Variants in FAM222A observed in about 807,000 individuals in gnomAD.
FAM222A encodes protein FAM222A.
A neutral mutation model predicts 25.8 loss-of-function variants in FAM222A; 7 were observed. The ratio of observed to expected loss-of-function variants is 0.27; its 90% CI spans 0.15 to 0.51. FAM222A has a LOEUF of 0.51. FAM222A is among the 20% of genes least tolerant of loss of function. FAM222A has a pLI of 0.97. For missense variants in FAM222A, 573 were observed against 640.5 expected, an observed-to-expected ratio of 0.89 and a Z score of 1.14; for synonymous variants, 294 against 298.8, an observed-to-expected ratio of 0.98 and a Z score of 0.17.
intron 1 of FAM222A, among the ~76,000 whole-genome samples, chr12:109,733,607 G>A (rs1401913844): frequency 6.6e-6 from 1 of 152,136 alleles, no homozygotes; most frequent in Non-Finnish European, 1.5e-5. Flanking sequence ...GTTTCACCGT[G>A]TTAGCCAGGA....
intron 1 of FAM222A, among the ~76,000 whole-genome samples, chr12:109,726,801 A>G (rs1017739350): frequency 3.3e-5 from 5 of 152,120 alleles, no homozygotes; most frequent in African/African-American, 1.2e-4. Context: ...TGCTGAGAAC[A>G]TGCCTGGCCA....
chr12:109,768,818 C>T lies in FAM222A; in HGVS notation c.889C>T (p.Pro297Ser). 1 of 1,575,276 alleles carries T rather than the reference C, an allele frequency of 6.3e-7. No individual in the cohort carries two copies. Among genetic ancestry groups the T allele is most frequent in the Non-Finnish European group, 8.6e-7 (1 of 1,167,040 alleles). Reference sequence around the variant, plus strand: ...GCCGCAGAAACCGCCCCCACCGCCGCCCCAGCCACTGCGTGCCTACAGTGG... The same window carrying T: ...GCCGCAGAAACCGCCCCCACCGCCGTCCCAGCCACTGCGTGCCTACAGTGG... ...LWPQKPPPPP[P>S]QPLRAYSGST... Residue 297 changes from proline (P) to serine (S), a missense_variant, in exon 3 of 3, where the codon CCC (proline) becomes TCC (serine). Pro to Ser is a moderately conservative substitution (Grantham distance 74, BLOSUM62 -1). Around this residue, in one of 3 missense-constraint regions of FAM222A, gnomAD observed 412 missense variants for 407.0 expected, o/e 1.01. Coordinates refer to ENST00000538780, the MANE Select transcript of FAM222A (RefSeq NM_032829.3).
At chr12:109,755,563 G>A (rs186192897) in intron 2 of FAM222A, among the ~76,000 whole-genome samples, 71 of 152,040 alleles carry the variant, frequency 4.7e-4, no homozygotes, top group Middle Eastern at 3.4e-3. Flanking sequence ...CACGACCTCC[G>A]GTGATCAGCC....
Position 109,769,232 on chromosome 12 carries a change from G to C in FAM222A, c.1303G>C (p.Val435Leu), listed in dbSNP as rs776580547. The C allele has an allele frequency of 8.1e-6, 13 of 1,611,552 alleles. No individual in the cohort carries two copies. Among genetic ancestry groups the C allele is most frequent in the African/African-American group, 4.0e-5 (3 of 74,892 alleles). ...GGGCAAGGGCTATGAGACGGTGGCC[G>C]TGCCCCGGCTACTCGACCACCAGCA... The part of the protein sequence containing the change: ...MLGKGYETVA[V>L]PRLLDHQHAH... Residue 435 changes from valine to leucine, a missense_variant, in exon 3 of 3, where the codon GTG becomes CTG. Physicochemically the swap from Val to Leu is conservative, Grantham distance 32. Coordinates refer to ENST00000538780, the MANE Select transcript of FAM222A (RefSeq NM_032829.3).
intron 1 of FAM222A, among the ~76,000 whole-genome samples, chr12:109,737,132 C>T (rs906127141): frequency 2.0e-4 from 30 of 151,972 alleles, no homozygotes; most frequent in African/African-American, 7.0e-4. Context: ...AATTGAAGGT[C>T]GAGTTGAGTT....
chr12:109,740,903 G>A lies in FAM222A; in HGVS notation c.-46-3198G>A, dbSNP rs372178989. Among the ~76,000 whole-genome samples the A allele has an allele frequency of 3.7e-4, 56 of 152,330 alleles. 1 individual carries two copies. Among genetic ancestry groups the A allele is most frequent in the African/African-American group, 1.2e-3 (51 of 41,562 alleles). On this transcript the variant is annotated intron_variant, in intron 1 of 2. Transcript: ENST00000538780. The stretch of plus-strand genomic sequence containing the variant: ...AGGGAAGGGTGAGCCAGGGTCTGAA[G>A]ACAGATCTGAGTTCGAACGGATCAG...
In FAM222A at chr12:109,713,983, C is replaced by T. The variant is rs1443291232; in HGVS notation, c.-961C>T. 6.1e-5 allele frequency among the ~76,000 whole-genome samples: 9 copies of T among 146,342 alleles called. No individual in the cohort carries two copies. The highest frequency in any genetic ancestry group is 2.2e-4 in the African/African-American group (9 of 40,780). ...AGACCAGGCGAGGCGCCGGCGCGCG[C>T]CAGACGGCGCGAGGCTGCGGCCCCG... On this transcript the variant is annotated 5_prime_UTR_variant, in exon 1 of 3. Coordinates refer to ENST00000538780, the MANE Select transcript of FAM222A (RefSeq NM_032829.3).
In FAM222A at chr12:109,758,080, G is replaced by T. The variant is rs890605420; in HGVS notation, c.83-9932G>T. Among the ~76,000 whole-genome samples, 5 of 152,216 alleles carry T rather than the reference G, an allele frequency of 3.3e-5. No individual in the cohort carries two copies. In the East Asian group the frequency reaches 9.6e-4, roughly 29 times the overall value. On this transcript the variant is annotated intron_variant, in intron 2 of 2. Transcript: ENST00000538780. The stretch of plus-strand genomic sequence containing the variant: ...CCCCACCAGCAGGGCCACCTTGGCC[G>T]CTCCAGGGCTGTGGGGTGTGGAAGG...
At chr12:109,724,181 T>C (rs1323287907) in intron 1 of FAM222A, among the ~76,000 whole-genome samples, 5 of 152,204 alleles carry the variant, frequency 3.3e-5, no homozygotes, top group Non-Finnish European at 7.3e-5. Flanking sequence ...CTGAACCCAC[T>C]GAGATCTCTC....
At chr12:109,752,570 G>A (rs375361687) in intron 2 of FAM222A, among the ~76,000 whole-genome samples, 48 of 152,346 alleles carry the variant, frequency 3.2e-4, no homozygotes, top group African/African-American at 1.1e-3. Flanking sequence ...GAAAGGTCTC[G>A]ACCAGGCTTT....
chr12:109,729,192 C>T (rs374621668), intron 1 of FAM222A, among the ~76,000 whole-genome samples: 3 of 151,898 alleles, frequency 2.0e-5, no homozygotes, highest in South Asian at 2.1e-4. Context: ...GGTTTTTCCC[C>T]CAAGAGAAAG....
chr12:109,745,024 T>A (rs1888358219), intron 2 of FAM222A, among the ~76,000 whole-genome samples: 1 of 152,172 alleles, frequency 6.6e-6, no homozygotes, highest in Non-Finnish European at 1.5e-5. Context: ...TGAAAATATT[T>A]TTTTTCTTTT....
At chr12:109,751,509 C>G (rs577073785) in intron 2 of FAM222A, among the ~76,000 whole-genome samples, 111 of 152,192 alleles carry the variant, frequency 7.3e-4, no homozygotes, top group African/African-American at 2.6e-3. Context: ...TGAGTTTTTC[C>G]CAGTCCATTT....
At chr12:109,721,495 G>C (rs531891681) in intron 1 of FAM222A, among the ~76,000 whole-genome samples, 2 of 152,202 alleles carry the variant, frequency 1.3e-5, no homozygotes, top group African/African-American at 2.4e-5. Flanking sequence ...TCCCTGCTGA[G>C]TTCTTCCCCT....
chr12:109,749,098 G>GTGTT (rs1215669301), intron 2 of FAM222A, among the ~76,000 whole-genome samples: 2 of 152,204 alleles, frequency 1.3e-5, no homozygotes, highest in East Asian at 1.9e-4. Flanking sequence ...TTTTGTGTGT[G>GTGTT]TGTTTGTTTG....
intron 1 of FAM222A, among the ~76,000 whole-genome samples, chr12:109,729,706 G>A (rs554653838): frequency 2.1e-4 from 32 of 152,340 alleles, no homozygotes; most frequent in South Asian, 1.4e-3. Context: ...CGCCACCCCC[G>A]CTCCCTGGGC....
Position 109,768,873 on chromosome 12 carries a change from C to T in FAM222A, c.944C>T (p.Ala315Val). The T allele has an allele frequency of 2.5e-6, 4 of 1,582,896 alleles. No individual in the cohort carries two copies. The highest frequency in any genetic ancestry group is 3.4e-6 in the Non-Finnish European group (4 of 1,171,746). ...ACGGTGGCCAGCAAGTCCCCTGAGG[C>T]TTGCGGGGGCCGGGCATACGAGCGG... ...GSTVASKSPE[A>V]CGGRAYERAS... The change falls in exon 3 of 3, where the codon GCT (alanine) becomes GTT (valine). Residue 315 changes from alanine to valine, a missense_variant. By Grantham distance (64) the Ala-to-Val change is moderately conservative. This residue lies in a region of FAM222A where 412 missense variants were observed against 407.0 expected (regional missense o/e 1.01). Coordinates refer to ENST00000538780, the MANE Select transcript of FAM222A (RefSeq NM_032829.3).
intron 1 of FAM222A, among the ~76,000 whole-genome samples, chr12:109,717,321 C>A (rs2136313865): frequency 6.6e-6 from 1 of 152,334 alleles, no homozygotes; most frequent in Non-Finnish European, 1.5e-5. Context: ...GAAACTCGCT[C>A]CTTGTCACCT....
intron 2 of FAM222A, among the ~76,000 whole-genome samples, chr12:109,764,960 T>TG (rs1317584650): frequency 2.0e-5 from 3 of 151,880 alleles, no homozygotes; most frequent in Non-Finnish European, 4.4e-5. Flanking sequence ...AGAGTCGGGA[T>TG]GGGGGTCCAT....
Sources: allele counts gnomAD v4.1 joint callset (sites outside exome capture counted in the v4.1 genomes callset), GRCh38; gene constraint gnomAD v4.1.1; regional missense constraint gnomAD v4.1.1; transcripts MANE v1.5; gene names NCBI Gene and HGNC (gene_info 2026-07-23, HGNC 2026-07-21).